DCC: variants seen among roughly 807,000 people sequenced by gnomAD.
DCC encodes netrin receptor DCC.
DCC carries 58 observed loss-of-function variants against 172.5 expected under a neutral mutation model. The ratio of observed to expected loss-of-function variants is 0.34; its 90% CI spans 0.27 to 0.42. The LOEUF (loss-of-function observed/expected upper bound fraction) is 0.42, where lower values mean the gene tolerates loss of function less well. Ranked by LOEUF, DCC falls within the 10% of genes least tolerant of loss-of-function variation. DCC has a pLI of 1.00. For missense variants in DCC, 1,740 were observed against 1,791.0 expected (o/e 0.97, Z 0.51); for synonymous variants, 709 against 644.5 (o/e 1.10, Z -1.52).
intron 5 of DCC, among the ~76,000 whole-genome samples, chr18:52,978,452 T>A (rs963937239): frequency 2.6e-5 from 4 of 152,140 alleles, no homozygotes; most frequent in Admixed American, 6.5e-5. Context: ...AGAGGCCGAG[T>A]AAAAATTGCT....
At chr18:53,313,743 A>G (rs2057311065) in intron 13 of DCC, among the ~76,000 whole-genome samples, 1 of 152,190 alleles carries the variant, frequency 6.6e-6, no homozygotes, top group Non-Finnish European at 1.5e-5. Flanking sequence ...ATTTGTTGCT[A>G]ATGTCTCTCT....
chr18:52,569,454 T>C (rs2033242373), intron 1 of DCC, among the ~76,000 whole-genome samples: 1 of 152,334 alleles, frequency 6.6e-6, no homozygotes. Context: ...TTGCTATGTA[T>C]ACTAAAATTA....
intron 10 of DCC, among the ~76,000 whole-genome samples, chr18:53,207,018 G>T (rs1287301185): frequency 1.5e-5 from 2 of 134,410 alleles, no homozygotes; most frequent in African/African-American, 5.2e-5. Flanking sequence ...TTTTGCTCTT[G>T]TTTTTTCAAC....
At chr18:52,696,022 A>G (rs1454330918) in intron 1 of DCC, among the ~76,000 whole-genome samples, 2 of 152,212 alleles carry the variant, frequency 1.3e-5, no homozygotes, top group Admixed American at 6.5e-5. Context: ...GAATGAATGT[A>G]TTGTTAGCAG....
At chr18:52,918,271 G>T (rs1466982696) in intron 3 of DCC, among the ~76,000 whole-genome samples, 3 of 152,038 alleles carry the variant, frequency 2.0e-5, no homozygotes, top group Non-Finnish European at 2.9e-5. Flanking sequence ...AATTGCATTT[G>T]GATATGAATA....
chr18:52,365,507 C>T (rs539098995), intron 1 of DCC, among the ~76,000 whole-genome samples: 1 of 149,128 alleles, frequency 6.7e-6, no homozygotes, highest in Admixed American at 6.7e-5. Flanking sequence ...CTTGGGAGTA[C>T]TAATGCCAAT....
intron 1 of DCC, among the ~76,000 whole-genome samples, chr18:52,639,407 G>A (rs530969125): frequency 1.4e-4 from 21 of 152,074 alleles, no homozygotes; most frequent in African/African-American, 4.1e-4. Flanking sequence ...CTGATAGACC[G>A]TTGGCAAGAC....
At chr18:53,141,549 C>G (rs2043830558) in intron 7 of DCC, among the ~76,000 whole-genome samples, 1 of 152,162 alleles carries the variant, frequency 6.6e-6, no homozygotes, top group South Asian at 2.1e-4. Flanking sequence ...TTTTAGTGAT[C>G]TGTGATCATT....
chr18:53,206,308 T>C (rs1467930620), intron 10 of DCC, among the ~76,000 whole-genome samples: 1 of 94,104 alleles, frequency 1.1e-5, no homozygotes, highest in Non-Finnish European at 2.1e-5. Flanking sequence ...TTGTAACACA[T>C]ATATACATAT....
At chr18:52,771,671 T>C (rs1361274026) in intron 2 of DCC, among the ~76,000 whole-genome samples, 1 of 152,178 alleles carries the variant, frequency 6.6e-6, no homozygotes, top group African/African-American at 2.4e-5. Context: ...ATTTCTTCAA[T>C]ATCAAAAACC....
In DCC at chr18:52,652,037, A is replaced by G. The variant is rs544173602; in HGVS notation, c.92-100017A>G. Among the ~76,000 whole-genome samples, 3 of 152,362 alleles carry G rather than the reference A, an allele frequency of 2.0e-5. No individual in the cohort carries two copies. In the East Asian group the frequency reaches 5.8e-4, roughly 29 times the overall value. On this transcript the variant is annotated intron_variant, in intron 1 of 28. Coordinates refer to ENST00000442544, the MANE Select transcript of DCC (RefSeq NM_005215.4). ...CAACTTGAGGAAAGAGAAAGTTCCC[A>G]TTGACTCAAGGAAAGAGACTTAGGC... is the stretch of plus-strand genomic sequence containing the variant.
intron 19 of DCC, among the ~76,000 whole-genome samples, chr18:53,406,652 C>T (rs967002107): frequency 2.7e-5 from 4 of 147,692 alleles, no homozygotes; most frequent in Non-Finnish European, 5.9e-5. Flanking sequence ...TGCAGCGAGC[C>T]GAGATCCAGC....
chr18:52,991,927 A>G (rs180678925), intron 5 of DCC, among the ~76,000 whole-genome samples: 1 of 152,340 alleles, frequency 6.6e-6, no homozygotes, highest in Admixed American at 6.5e-5. Context: ...CAAATCACTT[A>G]TTATAACGCA....
chr18:52,807,098 G>A (rs2038100021), intron 2 of DCC, among the ~76,000 whole-genome samples: 1 of 152,206 alleles, frequency 6.6e-6, no homozygotes, highest in Non-Finnish European at 1.5e-5. Flanking sequence ...GGGAGGCTGA[G>A]GCAGGAGAAT....
chr18:52,359,231 T>C (rs2144265154), intron 1 of DCC, among the ~76,000 whole-genome samples: 1 of 152,318 alleles, frequency 6.6e-6, no homozygotes, highest in South Asian at 2.1e-4. Context: ...ATAGGCTGTT[T>C]CATTGGGTTT....
At chr18:53,328,504 A>G (rs1408475727) in intron 14 of DCC, among the ~76,000 whole-genome samples, 1 of 148,482 alleles carries the variant, frequency 6.7e-6, no homozygotes, top group Admixed American at 6.7e-5. Context: ...ACATAAGAAG[A>G]TCTCAGACTT....
At chr18:52,564,949 C>T (rs949100934) in intron 1 of DCC, among the ~76,000 whole-genome samples, 1 of 151,972 alleles carries the variant, frequency 6.6e-6, no homozygotes, top group East Asian at 1.9e-4. Flanking sequence ...AGCCAAGAAG[C>T]TGATCTCTCA....
intron 27 of DCC, among the ~76,000 whole-genome samples, chr18:53,511,933 A>T (rs1032290250): frequency 6.6e-6 from 1 of 152,198 alleles, no homozygotes; most frequent in East Asian, 1.9e-4. Context: ...AAACAAAGCA[A>T]CCAGGAAGCT....
At position 52,707,766 on chromosome 18, in the gene DCC, A is replaced by G. The variant is rs556789624; in HGVS notation, c.92-44288A>G. On this transcript the variant is annotated intron_variant, in intron 1 of 28. Coordinates refer to ENST00000442544, the MANE Select transcript of DCC (RefSeq NM_005215.4). ...AGGGAGATAAGCCAGGGACAACAAG[A>G]CAAGTACTACATGATCTATCTTTTA... Among the ~76,000 whole-genome samples the G allele has an allele frequency of 6.6e-5, 10 of 152,350 alleles. No individual in the cohort carries two copies. The South Asian group carries it at 2.1e-3, about 32-fold the overall frequency.
Sources: gnomAD v4.1 joint callset for allele counts (sites outside exome capture counted in the v4.1 genomes callset) on GRCh38, gnomAD v4.1.1 for gene constraint, MANE v1.5 for transcripts, NCBI Gene and HGNC (gene_info 2026-07-23, HGNC 2026-07-21) for gene names.